NFIB: variants seen among roughly 807,000 people sequenced by gnomAD.
NFIB encodes nuclear factor I B.
In NFIB, 11 loss-of-function variants were observed where a neutral mutation model predicts 61.5. The ratio of observed to expected loss-of-function variants is 0.18; its 90% CI spans 0.11 to 0.30. NFIB has a LOEUF of 0.30. NFIB is among the 10% of genes least tolerant of loss of function. NFIB has a pLI of 1.00. For synonymous variants in NFIB, 260 were observed against 216.5 expected, an observed-to-expected ratio of 1.20 and a Z score of -1.76; for missense variants, 471 against 608.9, an observed-to-expected ratio of 0.77 and a Z score of 2.38.
chr9:14,378,636 T>A (rs2061448279), intron 1 of NFIB, among the ~76,000 whole-genome samples: 1 of 152,240 alleles, frequency 6.6e-6, no homozygotes, highest in African/African-American at 2.4e-5. Flanking sequence ...ATTACAGGCG[T>A]GAGCCACCAC....
At chr9:14,104,961 C>A (rs1215263452) in intron 10 of NFIB, among the ~76,000 whole-genome samples, 1 of 152,012 alleles carries the variant, frequency 6.6e-6, no homozygotes, top group Non-Finnish European at 1.5e-5. Context: ...TTTCACAAAG[C>A]CAGGGGAATC....
At chr9:14,359,534 G>A (rs931147002) in intron 1 of NFIB, among the ~76,000 whole-genome samples, 2 of 152,202 alleles carry the variant, frequency 1.3e-5, no homozygotes, top group Non-Finnish European at 2.9e-5. Context: ...GCATGACCCT[G>A]CTGACACCTT....
At chr9:14,237,763 AGTGT>A (rs71321971) in intron 2 of NFIB, among the ~76,000 whole-genome samples, 9,987 of 84,238 alleles carry the variant, frequency 0.12, 691 homozygotes, top group Non-Finnish European at 0.15. Flanking sequence ...TAGGTATAAC[AGTGT>A]GTGTGTGTGT....
chr9:14,285,415 C>A (rs2058647416), intron 2 of NFIB, among the ~76,000 whole-genome samples: 1 of 152,164 alleles, frequency 6.6e-6, no homozygotes, highest in East Asian at 1.9e-4. Context: ...AGCCATCGCG[C>A]CCAGTCCTAT....
intron 2 of NFIB, among the ~76,000 whole-genome samples, chr9:14,245,742 G>A (rs1587891435): frequency 6.6e-6 from 1 of 151,960 alleles, no homozygotes; most frequent in African/African-American, 2.4e-5. Flanking sequence ...GCGTTGTAAT[G>A]CACATCTGTA....
intron 1 of NFIB, among the ~76,000 whole-genome samples, chr9:14,340,077 C>G (rs2060932419): frequency 6.6e-6 from 1 of 152,186 alleles, no homozygotes; most frequent in African/African-American, 2.4e-5. Flanking sequence ...GTTCACCTTT[C>G]TAGTTAGTGA....
At chr9:14,255,981 C>T (rs1274189888) in intron 2 of NFIB, among the ~76,000 whole-genome samples, 3 of 152,188 alleles carry the variant, frequency 2.0e-5, no homozygotes, top group African/African-American at 2.4e-5. Flanking sequence ...AGTTTAAATC[C>T]ACCACCTATT....
upstream of NFIB, among the ~76,000 whole-genome samples, chr9:14,401,898 C>T (rs899107359): frequency 1.3e-5 from 2 of 152,190 alleles, no homozygotes; most frequent in African/African-American, 2.4e-5. Flanking sequence ...CTTTTCCCTA[C>T]ACCTTTTGCT....
chr9:14,501,183 A>G, the NFIB span, among the ~76,000 whole-genome samples: 1 of 152,168 alleles, frequency 6.6e-6, no homozygotes, highest in Non-Finnish European at 1.5e-5. Flanking sequence ...GTTTCTGTTC[A>G]TGTCCTGTTT....
rs2033049100 is a variant in NFIB, at chr9:14,087,572, T to C, written c.*737A>G. ...TTCAAACTGTTTTTTTCCTTTTTTC[T>C]TTTTTTCCTTTTTTTTTCATTTTTT... On this transcript the variant is annotated 3_prime_UTR_variant, in exon 11 of 11. Transcript: ENST00000380953. 1 of 225,550 alleles carries C rather than the reference T, an allele frequency of 4.4e-6. No individual in the cohort carries two copies. Among genetic ancestry groups the C allele is most frequent in the East Asian group, 6.4e-5 (1 of 15,728 alleles). 14.0% of individuals were successfully genotyped at this position (225,550 alleles called of 1,614,324 possible).
chr9:14,199,847 C>A (rs578054261), intron 2 of NFIB, among the ~76,000 whole-genome samples: 22 of 152,270 alleles, frequency 1.4e-4, no homozygotes, highest in Non-Finnish European at 1.5e-4. Flanking sequence ...AGTTTCCACT[C>A]AGCTATTGTT....
chr9:14,150,170 T>G lies in NFIB; in HGVS notation c.781A>C (p.Arg261=). ...HDMNSGVNLQ[R]SLSSPPSSKR... ...CTGCTTGGTGGAGAAGACAGAGACC[T>G]CTGAAGATTGACCCCCGAGTTCATG... is the stretch of plus-strand genomic sequence containing the variant. Residue 261 remains arginine, a synonymous_variant, in exon 5 of 11, where the codon AGG becomes CGG. Coordinates refer to ENST00000380953, the MANE Select transcript of NFIB (RefSeq NM_001190737.2). 6.2e-7 allele frequency: 1 copy of G among 1,613,492 alleles called. No homozygotes were observed. The highest frequency in any genetic ancestry group is 8.5e-7 in the Non-Finnish European group (1 of 1,179,574).
chr9:14,102,600 A>T, intron 10 of NFIB: 2 of 859,210 alleles, frequency 2.3e-6, no homozygotes, highest in Non-Finnish European at 1.7e-6. Context: ...AGTACTGTAC[A>T]TGGCATTAAC....
the NFIB span, among the ~76,000 whole-genome samples, chr9:14,499,084 G>C: frequency 5.6e-4 from 85 of 152,146 alleles, no homozygotes; most frequent in Non-Finnish European, 9.1e-4. Context: ...GTGTTTGTGT[G>C]TGTGTGAGAG....
intron 2 of NFIB, among the ~76,000 whole-genome samples, chr9:14,284,727 A>G (rs533395399): frequency 6.6e-5 from 10 of 152,366 alleles, no homozygotes; most frequent in East Asian, 1.9e-4. Flanking sequence ...TTTCAAATCA[A>G]TAAGAAAAAC....
rs554428691 is a variant in NFIB at position 14,113,624 on chromosome 9, G to A, written c.1385-543C>T. ...TCTTACTATCATGAAGGAGAAGCCT[G>A]TATCATGTAGAATGAATCAGCTCGG... On this transcript the variant is annotated intron_variant, in intron 9 of 10. Transcript: ENST00000380953. Among the ~76,000 whole-genome samples the A allele has an allele frequency of 3.9e-5, 6 of 152,308 alleles. No homozygotes were observed. In the East Asian group the frequency reaches 1.2e-3, roughly 29 times the overall value.
Position 14,313,155 on chromosome 9 carries a change from G to A in NFIB, c.30+327C>T, listed in dbSNP as rs545959997. ...AGAGGGGCTACGGGCACCCCGGGCGGGGATGCCGCACCACAACGGGCACTT... is the reference window on the plus strand; with the variant it reads ...AGAGGGGCTACGGGCACCCCGGGCGAGGATGCCGCACCACAACGGGCACTT... On this transcript the variant is annotated intron_variant, in intron 1 of 10. Transcript: ENST00000380953. The surrounding 1 kb of genome is among the most constrained non-coding windows in gnomAD (Gnocchi z 4.5). Among the ~76,000 whole-genome samples, 1 of 152,314 alleles carries A rather than the reference G, an allele frequency of 6.6e-6. No homozygotes were observed. Among genetic ancestry groups the A allele is most frequent in the African/African-American group, 2.4e-5 (1 of 41,582 alleles).
At chr9:14,114,348 A>G (rs2037819585) in intron 9 of NFIB, among the ~76,000 whole-genome samples, 1 of 152,176 alleles carries the variant, frequency 6.6e-6, no homozygotes, top group Non-Finnish European at 1.5e-5. Context: ...TCACCCTTAC[A>G]GAAGAGCACC....
chr9:14,163,702 G>A (rs535113441), intron 3 of NFIB, among the ~76,000 whole-genome samples: 21 of 151,996 alleles, frequency 1.4e-4, no homozygotes, highest in African/African-American at 5.1e-4. Context: ...TTTAAGAATT[G>A]AACATGACTG....
Sources: gnomAD v4.1 joint callset for allele counts (sites outside exome capture counted in the v4.1 genomes callset) on GRCh38, gnomAD v4.1.1 for gene constraint, Gnocchi (gnomAD v3.1) non-coding constraint, MANE v1.5 for transcripts, NCBI Gene and HGNC (gene_info 2026-07-23, HGNC 2026-07-21) for gene names.